The following UNC5A variants were observed in gnomAD, a reference collection of about 807,000 sequenced individuals.
UNC5A encodes netrin receptor UNC5A.
UNC5A carries 20 observed loss-of-function variants against 87.4 expected under a neutral mutation model. The observed-to-expected ratio is 0.23, with a 90% CI of 0.16 to 0.33. The LOEUF (loss-of-function observed/expected upper bound fraction) is 0.33, where lower values mean the gene tolerates loss of function less well. Among genes scored for constraint, UNC5A ranks in the 10% least tolerant of loss-of-function variants. UNC5A has a pLI of 1.00. For synonymous variants in UNC5A, 438 were observed against 482.3 expected, an observed-to-expected ratio of 0.91 and a Z score of 1.20; for missense variants, 844 against 1,133.4, an observed-to-expected ratio of 0.74 and a Z score of 3.67.
chr5:176,861,801 G>C (rs962296065), intron 1 of UNC5A, among the ~76,000 whole-genome samples: 2 of 127,628 alleles, frequency 1.6e-5, no homozygotes, highest in African/African-American at 6.2e-5. Context: ...GCGCATTGGT[G>C]GGGGGATCAC....
chr5:176,850,012 G>A (rs1561654456), intron 1 of UNC5A, among the ~76,000 whole-genome samples: 1 of 152,242 alleles, frequency 6.6e-6, no homozygotes, highest in African/African-American at 2.4e-5. Context: ...ACTGGAGGGT[G>A]CACAGGCTGA....
chr5:176,851,875 G>T (rs530578521), intron 1 of UNC5A, among the ~76,000 whole-genome samples: 78 of 152,324 alleles, frequency 5.1e-4, no homozygotes, highest in African/African-American at 1.8e-3. Flanking sequence ...AATGGGGAGG[G>T]TGCCCCCAGA....
intron 1 of UNC5A, among the ~76,000 whole-genome samples, chr5:176,830,473 G>GGT (rs1280998986): frequency 4.1e-5 from 6 of 146,416 alleles, no homozygotes; most frequent in African/African-American, 1.0e-4. Flanking sequence ...TGTGTGTGCT[G>GGT]GTGTGTGTGT....
At chr5:176,877,375 C>A in intron 9 of UNC5A, 96 bp downstream of exon 9, 1 of 1,380,668 alleles carries the variant, frequency 7.2e-7, no homozygotes, top group Non-Finnish European at 9.9e-7. Flanking sequence ...TGTGCCTGGC[C>A]CGAGGCGGCG....
intron 2 of UNC5A, chr5:176,864,881 G>A (rs189643140): frequency 1.1e-4 from 48 of 455,126 alleles, no homozygotes; most frequent in Non-Finnish European, 1.9e-4. Context: ...CACCTCCCAG[G>A]ACCAGAGCCT....
chr5:176,878,650 G>T lies in UNC5A; in HGVS notation c.2184+11G>T. ...TTCAACATCACCAAGGTGGACGGGAGGGGCTGCCGCACCGCCGTGACGTGC... is the reference window on the plus strand; with the variant it reads ...TTCAACATCACCAAGGTGGACGGGATGGGCTGCCGCACCGCCGTGACGTGC... On this transcript the variant is annotated intron_variant, in intron 13 of 14. Transcript: ENST00000329542. 1 of 1,607,674 alleles carries T rather than the reference G, an allele frequency of 6.2e-7. No individual in the cohort carries two copies. The highest frequency in any genetic ancestry group is 8.5e-7 in the Non-Finnish European group (1 of 1,176,312).
rs690737 is a variant in UNC5A, at chr5:176,843,736, C to T, written c.71-18888C>T. Among the ~76,000 whole-genome samples, 624 of 152,352 alleles carry T rather than the reference C, an allele frequency of 4.1e-3. 3 individuals are homozygous for T. Among genetic ancestry groups the T allele is most frequent in the African/African-American group, 0.014 (592 of 41,578 alleles). Reference sequence around the variant, plus strand: ...TTTGCATCCCTGACCCACCGGGCTGCGCCCTGGAGCCCCCCTGCTCAGGCT... The same window carrying T: ...TTTGCATCCCTGACCCACCGGGCTGTGCCCTGGAGCCCCCCTGCTCAGGCT... On this transcript the variant is annotated intron_variant, in intron 1 of 14. Coordinates refer to ENST00000329542, the MANE Select transcript of UNC5A (RefSeq NM_133369.3).
chr5:176,836,347 G>A (rs1757148209), intron 1 of UNC5A, among the ~76,000 whole-genome samples: 1 of 152,198 alleles, frequency 6.6e-6, no homozygotes, highest in Non-Finnish European at 1.5e-5. Flanking sequence ...GGGGAGCCCA[G>A]CCCGAGATGG....
At chr5:176,826,862 A>G (rs1242347984) in intron 1 of UNC5A, among the ~76,000 whole-genome samples, 2 of 152,116 alleles carry the variant, frequency 1.3e-5, no homozygotes, top group South Asian at 4.1e-4. Context: ...GATGGTCTCT[A>G]TCTCCTGACC....
intron 1 of UNC5A, among the ~76,000 whole-genome samples, chr5:176,858,718 A>C (rs192558822): frequency 1.2e-3 from 35 of 29,968 alleles, no homozygotes; most frequent in South Asian, 2.6e-3. Context: ...AGAAAGAGAG[A>C]GAGAGAAGGA....
chr5:176,832,021 C>A (rs188438118), intron 1 of UNC5A, among the ~76,000 whole-genome samples: 10 of 151,634 alleles, frequency 6.6e-5, no homozygotes, highest in Non-Finnish European at 1.3e-4. Flanking sequence ...CTCATCCTCC[C>A]GAGTAGCTGG....
intron 2 of UNC5A, 80 bp downstream of exon 2, chr5:176,862,925 C>T (rs1359257735): frequency 1.2e-5 from 19 of 1,526,780 alleles, no homozygotes; most frequent in Non-Finnish European, 1.5e-5. Flanking sequence ...GCAGCTGCCC[C>T]CAGGATTCCC....
chr5:176,874,157 G>A lies in UNC5A; in HGVS notation c.1075+1G>A. On this transcript the variant is annotated splice_donor_variant, in intron 7 of 14. Transcript: ENST00000329542. LOFTEE classifies it high-confidence loss of function. This position sits in a 1 kb window ranked among gnomAD's most constrained non-coding sequence, Gnocchi z 7.6. ...GTCAGCATCAAGCCCAGCAAAGCAG[G>A]TGAGGGGCCCCGTGCCCCCAGCACT... 1 of 1,612,740 alleles carries A rather than the reference G, an allele frequency of 6.2e-7. No individual in the cohort carries two copies. Among genetic ancestry groups the A allele is most frequent in the Non-Finnish European group, 8.5e-7 (1 of 1,178,996 alleles).
intron 1 of UNC5A, among the ~76,000 whole-genome samples, chr5:176,837,519 A>C (rs1757175399): frequency 6.6e-6 from 1 of 152,200 alleles, no homozygotes; most frequent in Non-Finnish European, 1.5e-5. Flanking sequence ...ACCCGAGGCC[A>C]GATGGATATC....
intron 1 of UNC5A, among the ~76,000 whole-genome samples, chr5:176,815,590 AC>A (rs1172947151): frequency 6.6e-6 from 1 of 152,142 alleles, no homozygotes; most frequent in Non-Finnish European, 1.5e-5. Context: ...CTCAGGGTGA[AC>A]CCCGACACCT....
At chr5:176,842,154 A>G (rs1757292308) in intron 1 of UNC5A, among the ~76,000 whole-genome samples, 1 of 152,234 alleles carries the variant, frequency 6.6e-6, no homozygotes, top group Non-Finnish European at 1.5e-5. Flanking sequence ...CCGAGATCGC[A>G]CCACTGCACT....
chr5:176,870,668 T>G (rs1444576178), intron 6 of UNC5A, 134 bp downstream of exon 6: 1 of 1,016,550 alleles, frequency 9.8e-7, no homozygotes, highest in Non-Finnish European at 1.4e-6. Flanking sequence ...CCCACTGAGA[T>G]CCCCCTCATC....
Position 176,865,687 on chromosome 5 carries a change from A to G in UNC5A, c.293-2443A>G, listed in dbSNP as rs1419240010. ...GTGGCGCCACGCCGCCAAAGACCAA[A>G]GACCCCAAACCAGAAACGTTCTGTG... On this transcript the variant is annotated intron_variant, in intron 2 of 14. Coordinates refer to ENST00000329542, the MANE Select transcript of UNC5A (RefSeq NM_133369.3). The surrounding 1 kb of genome is among the most constrained non-coding windows in gnomAD (Gnocchi z 5.3). 6.6e-6 allele frequency: 3 copies of G among 456,510 alleles called. No individual in the cohort carries two copies. Among genetic ancestry groups the G allele is most frequent in the Non-Finnish European group, 1.3e-5 (3 of 226,976 alleles). The allele number at this position is 456,510 out of a possible 1,614,324, so 28.3% of individuals were successfully genotyped here.
chr5:176,855,588 A>T (rs1357647638), intron 1 of UNC5A, among the ~76,000 whole-genome samples: 2 of 152,226 alleles, frequency 1.3e-5, no homozygotes, highest in Non-Finnish European at 2.9e-5. Context: ...AGAACCCCTG[A>T]GAATTGCACG....
Sources: gnomAD v4.1 joint callset for allele counts (sites outside exome capture counted in the v4.1 genomes callset) on GRCh38, gnomAD v4.1.1 for gene constraint, Gnocchi (gnomAD v3.1) non-coding constraint, MANE v1.5 for transcripts, NCBI Gene and HGNC (gene_info 2026-07-23, HGNC 2026-07-21) for gene names.